The following CACNA1D variants were observed in gnomAD, a reference collection of about 807,000 sequenced individuals.
The protein encoded by CACNA1D is calcium voltage-gated channel subunit alpha1 D.
A neutral mutation model predicts 257.1 loss-of-function variants in CACNA1D; 55 were observed. The ratio of observed to expected loss-of-function variants is 0.21; its 90% CI spans 0.17 to 0.27. The LOEUF is 0.27. Ranked by LOEUF, CACNA1D falls within the 10% of genes least tolerant of loss-of-function variation. The pLI is 1.00. For missense variants in CACNA1D, 1,876 were observed against 2,784.0 expected (o/e 0.67, Z 7.34); for synonymous variants, 980 against 1,014.9 (o/e 0.97, Z 0.65).
intron 3 of CACNA1D, among the ~76,000 whole-genome samples, chr3:53,646,995 G>A (rs143506956): frequency 6.6e-6 from 1 of 152,270 alleles, no homozygotes; most frequent in African/African-American, 2.4e-5. Context: ...TTATTAACTA[G>A]TTTAGAGACT....
chr3:53,575,809 T>C (rs2093027976), intron 3 of CACNA1D, among the ~76,000 whole-genome samples: 1 of 152,248 alleles, frequency 6.6e-6, no homozygotes, highest in South Asian at 2.1e-4. Context: ...CACCTGTAGT[T>C]GAGCATGTGC....
At chr3:53,517,349 A>G (rs2091381337) in intron 3 of CACNA1D, among the ~76,000 whole-genome samples, 1 of 152,210 alleles carries the variant, frequency 6.6e-6, no homozygotes, top group Non-Finnish European at 1.5e-5. Context: ...GTGCTTGGGA[A>G]GAAGTTGAAG....
chr3:53,802,141 G>A lies in CACNA1D; in HGVS notation c.5409-6G>A. 1.2e-6 allele frequency: 2 copies of A among 1,606,318 alleles called. No homozygotes were observed. Among genetic ancestry groups the A allele is most frequent in the Non-Finnish European group, 1.7e-6 (2 of 1,172,894 alleles). On this transcript the variant is annotated splice_polypyrimidine_tract_variant and splice_region_variant and intron_variant, in intron 42 of 47. Coordinates refer to ENST00000350061, the MANE Select transcript of CACNA1D (RefSeq NM_001128840.3). ...CTCCTTCCCATGTTATGCCTTTCCT[G>A]GATAGAACCCGCTATTATGAAACTT...
intron 40 of CACNA1D, among the ~76,000 whole-genome samples, chr3:53,795,094 C>T (rs763184420): frequency 5.9e-5 from 9 of 152,176 alleles, no homozygotes; most frequent in Non-Finnish European, 1.0e-4. Context: ...CTAGCATGGC[C>T]GAGTCTTGCG....
intron 3 of CACNA1D, among the ~76,000 whole-genome samples, chr3:53,580,825 T>G (rs1332520964): frequency 6.6e-6 from 1 of 152,230 alleles, no homozygotes; most frequent in Non-Finnish European, 1.5e-5. Flanking sequence ...CAAAGTTTCT[T>G]CAGTTCTCAA....
chr3:53,545,099 T>G (rs1470072787), intron 3 of CACNA1D, among the ~76,000 whole-genome samples: 2 of 152,242 alleles, frequency 1.3e-5, no homozygotes, highest in Non-Finnish European at 2.9e-5. Context: ...GAGGCTTTTT[T>G]GGCAAGTCAC....
intron 3 of CACNA1D, among the ~76,000 whole-genome samples, chr3:53,624,877 T>C (rs1199429156): frequency 6.6e-6 from 1 of 152,154 alleles, no homozygotes; most frequent in East Asian, 1.9e-4. Flanking sequence ...TGAGAGATGC[T>C]AAGAAATCCA....
At position 53,732,185 on chromosome 3, in the gene CACNA1D, A is replaced by T. The variant is rs2306866; in HGVS notation, c.2473+103A>T. 0.64 allele frequency: 554,348 copies of T among 867,122 alleles called. 182,228 individuals carry two copies. Among genetic ancestry groups the T allele is most frequent in the East Asian group, 0.9 (36,070 of 39,904 alleles). The allele number at this position is 867,122 out of a possible 1,614,324, so 53.7% of individuals were successfully genotyped here. Reference sequence around the variant, plus strand: ...GGCCAGCCAGCCCAGCAGCGTGCACATGAGCTGCTGAGGCCACCAAGGCCG... The same window carrying T: ...GGCCAGCCAGCCCAGCAGCGTGCACTTGAGCTGCTGAGGCCACCAAGGCCG... On this transcript the variant is annotated intron_variant, in intron 18 of 47. Transcript: ENST00000350061.
chr3:53,635,119 C>T (rs963338524), intron 3 of CACNA1D, among the ~76,000 whole-genome samples: 1 of 152,222 alleles, frequency 6.6e-6, no homozygotes, highest in African/African-American at 2.4e-5. Context: ...AGAGGAGGAA[C>T]CCTCCCCCGA....
At chr3:53,591,402 A>G (rs980187610) in intron 3 of CACNA1D, among the ~76,000 whole-genome samples, 2 of 151,954 alleles carry the variant, frequency 1.3e-5, no homozygotes, top group African/African-American at 4.8e-5. Context: ...ACAGGCATGC[A>G]CCACCACGCC....
rs192244368 is a variant in CACNA1D, at chr3:53,804,533, C to T, written c.5586-450C>T. ...AAAACCTCACGAACCGCATGAGTTC[C>T]TCTCTTCCAGCACTGGCCCTTTCCA... is the stretch of plus-strand genomic sequence containing the variant. On this transcript the variant is annotated intron_variant, in intron 44 of 47. Transcript: ENST00000350061. 3.4e-3 allele frequency among the ~76,000 whole-genome samples: 513 copies of T among 152,334 alleles called. 2 individuals carry two copies. The highest frequency in any genetic ancestry group is 7.0e-3 in the South Asian group (34 of 4,828).
Position 53,722,489 on chromosome 3 carries a change from C to T in CACNA1D, c.1666+15C>T. 6.2e-7 allele frequency: 1 copy of T among 1,613,742 alleles called. No individual in the cohort carries two copies. The highest frequency in any genetic ancestry group is 8.5e-7 in the Non-Finnish European group (1 of 1,179,666). On this transcript the variant is annotated intron_variant, in intron 12 of 47. Transcript: ENST00000350061. ...ACAGATTCAAGGTACAAGCAGAGGC[C>T]ATTCCTTTTTTGTTCTGAACTAGAG...
intron 3 of CACNA1D, among the ~76,000 whole-genome samples, chr3:53,551,474 C>G (rs1009300193): frequency 6.6e-6 from 1 of 152,214 alleles, no homozygotes. Context: ...CGGGTATGAC[C>G]CGACCTTCGT....
intron 4 of CACNA1D, among the ~76,000 whole-genome samples, chr3:53,654,818 C>T (rs2094132819): frequency 6.6e-6 from 1 of 151,686 alleles, no homozygotes; most frequent in Admixed American, 6.6e-5. Context: ...AAAGAAAATC[C>T]CAGGTCTATC....
At chr3:53,681,105 G>C (rs1382262440) in intron 8 of CACNA1D, among the ~76,000 whole-genome samples, 1 of 152,220 alleles carries the variant, frequency 6.6e-6, no homozygotes, top group Non-Finnish European at 1.5e-5. Context: ...TGGTGTGTGA[G>C]ATGAGAGGCA....
chr3:53,746,447 G>A (rs956595061), intron 25 of CACNA1D, among the ~76,000 whole-genome samples: 2 of 152,176 alleles, frequency 1.3e-5, no homozygotes, highest in Admixed American at 1.3e-4. Flanking sequence ...ATTCCAGGAT[G>A]TCCAGTGACC....
intron 7 of CACNA1D, among the ~76,000 whole-genome samples, 194 bp downstream of exon 7, chr3:53,666,729 C>T (rs2094268512): frequency 6.6e-6 from 1 of 152,164 alleles, no homozygotes; most frequent in Admixed American, 6.5e-5. Flanking sequence ...TTGCAGGAAG[C>T]TGCTGCGCGA....
chr3:53,771,505 G>A (rs1229270110), intron 32 of CACNA1D, among the ~76,000 whole-genome samples: 4 of 152,200 alleles, frequency 2.6e-5, no homozygotes, highest in Admixed American at 2.0e-4. Context: ...GCGGGGTGGT[G>A]CAGGCACTCA....
chr3:53,737,874 T>A (rs1479621990), intron 20 of CACNA1D, among the ~76,000 whole-genome samples: 1 of 152,218 alleles, frequency 6.6e-6, no homozygotes, highest in Non-Finnish European at 1.5e-5. Flanking sequence ...TTCTATTAGT[T>A]AGTTTTGTAA....
Sources: gnomAD v4.1 joint callset for allele counts (sites outside exome capture counted in the v4.1 genomes callset) on GRCh38, gnomAD v4.1.1 for gene constraint, MANE v1.5 for transcripts, NCBI Gene and HGNC (gene_info 2026-07-23, HGNC 2026-07-21) for gene names.